Variants in PIK3CB observed in about 807,000 individuals in gnomAD.
PIK3CB encodes the protein phosphatidylinositol 4,5-bisphosphate 3-kinase catalytic subunit beta isoform.
In PIK3CB, 39 loss-of-function variants were observed where a neutral mutation model predicts 136.8. That is an observed-to-expected ratio of 0.29 (90% confidence interval 0.22 to 0.37). PIK3CB has a LOEUF of 0.37. Among genes scored for constraint, PIK3CB ranks in the 10% least tolerant of loss-of-function variants. PIK3CB has a pLI of 1.00. For synonymous variants in PIK3CB, 428 were observed against 436.6 expected (o/e 0.98, Z 0.25); for missense variants, 868 against 1,275.4 (o/e 0.68, Z 4.87).
intron 3 of PIK3CB, among the ~76,000 whole-genome samples, chr3:138,758,500 T>G (rs1432980619): frequency 1.3e-5 from 2 of 152,146 alleles, no homozygotes; most frequent in East Asian, 1.9e-4. Context: ...CATGAGCGTA[T>G]GAGATGCTTA....
intron 2 of PIK3CB, among the ~76,000 whole-genome samples, chr3:138,769,424 T>A (rs1283962300): frequency 6.6e-6 from 1 of 152,208 alleles, no homozygotes; most frequent in East Asian, 1.9e-4. Flanking sequence ...AACTAGACCC[T>A]TAACTAATCA....
chr3:138,781,090 G>A (rs1226183012), intron 2 of PIK3CB, among the ~76,000 whole-genome samples: 5 of 152,020 alleles, frequency 3.3e-5, no homozygotes, highest in African/African-American at 4.8e-5. Flanking sequence ...AGGAGCTCAA[G>A]GCCAACCTAA....
chr3:138,742,660 T>A lies in PIK3CB; in HGVS notation c.519A>T (p.Lys173Asn). The change falls in exon 5 of 24, where the codon AAA becomes AAT. Residue 173 changes from lysine to asparagine, a missense_variant. By Grantham distance (94) the Lys-to-Asn change is moderately conservative. Coordinates refer to ENST00000674063, the MANE Select transcript of PIK3CB (RefSeq NM_006219.3). ...GTTCATGCTCTGGTGGATATGTTTG[T>A]TTTAGCCAGTCCATCCAAGACAATC... is the stretch of plus-strand genomic sequence containing the variant. ...LVGLSWMDWLKQTYPPEHEPS... is the reference protein window; with the variant it reads ...LVGLSWMDWLNQTYPPEHEPS... 1 of 1,610,928 alleles carries A rather than the reference T, an allele frequency of 6.2e-7. No homozygotes were observed. Among genetic ancestry groups the A allele is most frequent in the Non-Finnish European group, 8.5e-7 (1 of 1,177,148 alleles).
intron 11 of PIK3CB, among the ~76,000 whole-genome samples, chr3:138,704,715 C>T (rs974044002): frequency 2.0e-5 from 3 of 152,168 alleles, no homozygotes; most frequent in Admixed American, 2.0e-4. Flanking sequence ...TCCTAGGAAG[C>T]ACTAAAATTG....
In PIK3CB at chr3:138,664,233, A is replaced by G. The variant is rs867451277; in HGVS notation, c.2673-204T>C. ...GGCTGAGAGAGCTGCCTTCAAAGAC[A>G]TTAAATAACTGGGCCTTAGATATTC... On this transcript the variant is annotated intron_variant, in intron 20 of 23. Transcript: ENST00000674063. Among the ~76,000 whole-genome samples, 8 of 152,032 alleles carry G rather than the reference A, an allele frequency of 5.3e-5. No homozygotes were observed. The South Asian group carries it at 1.7e-3, about 32-fold the overall frequency.
intron 1 of PIK3CB, among the ~76,000 whole-genome samples, chr3:138,800,663 C>T (rs2046162750): frequency 6.6e-6 from 1 of 152,104 alleles, no homozygotes; most frequent in African/African-American, 2.4e-5. Context: ...CTCACTCTGT[C>T]ACCCATGCTG....
At chr3:138,827,119 G>A (rs1295356654) in intron 1 of PIK3CB, among the ~76,000 whole-genome samples, 3 of 151,956 alleles carry the variant, frequency 2.0e-5, no homozygotes, top group Non-Finnish European at 4.4e-5. Context: ...TACTAAATAC[G>A]ATTGAATACA....
At chr3:138,811,788 C>T (rs1444690152) in intron 1 of PIK3CB, among the ~76,000 whole-genome samples, 1 of 151,634 alleles carries the variant, frequency 6.6e-6, no homozygotes, top group Non-Finnish European at 1.5e-5. Flanking sequence ...GAGAATTATG[C>T]TGACTGAAAA....
intron 2 of PIK3CB, among the ~76,000 whole-genome samples, chr3:138,760,751 C>A (rs543399129): frequency 1.6e-4 from 25 of 151,886 alleles, no homozygotes; most frequent in Admixed American, 1.6e-3. Flanking sequence ...ACAAAACATA[C>A]AAAAAATTGG....
intron 12 of PIK3CB, among the ~76,000 whole-genome samples, chr3:138,700,169 C>G (rs1391614621): frequency 6.6e-6 from 1 of 152,122 alleles, no homozygotes; most frequent in African/African-American, 2.4e-5. Flanking sequence ...CTGCAGTGAG[C>G]CATGATCGTG....
intron 1 of PIK3CB, chr3:138,825,794 A>G (rs1356370955): frequency 1.1e-6 from 1 of 903,442 alleles, no homozygotes; most frequent in Non-Finnish European, 1.8e-6. Flanking sequence ...GCTCCAGTCA[A>G]TGTTACAACT....
chr3:138,700,712 T>C (rs7622071), intron 12 of PIK3CB, among the ~76,000 whole-genome samples: 2,622 of 143,648 alleles, frequency 0.018, 83 homozygotes, highest in African/African-American at 0.072. Flanking sequence ...GATAGATAGA[T>C]AGATAGATAG....
intron 8 of PIK3CB, among the ~76,000 whole-genome samples, chr3:138,732,577 TTTG>T (rs2045006646): frequency 6.6e-6 from 1 of 152,170 alleles, no homozygotes; most frequent in Non-Finnish European, 1.5e-5. Flanking sequence ...GACAAAATGC[TTTG>T]TTAAGTCTTT....
chr3:138,812,478 G>T (rs530074400), intron 1 of PIK3CB, among the ~76,000 whole-genome samples: 1 of 150,954 alleles, frequency 6.6e-6, no homozygotes, highest in African/African-American at 2.4e-5. Context: ...CTCGTGATCC[G>T]CCCACCTCAG....
At chr3:138,779,341 C>T (rs184910744) in intron 2 of PIK3CB, among the ~76,000 whole-genome samples, 93 of 151,076 alleles carry the variant, frequency 6.2e-4, no homozygotes, top group African/African-American at 2.2e-3. Context: ...CCACCTCAGC[C>T]TCCCAAAATG....
intron 1 of PIK3CB, among the ~76,000 whole-genome samples, chr3:138,823,418 G>GC (rs1491589243): frequency 6.7e-6 from 1 of 148,470 alleles, no homozygotes; most frequent in Non-Finnish European, 1.5e-5. Flanking sequence ...AAAAAAAAAA[G>GC]CAACGGTCGG....
At chr3:138,793,718 G>A (rs975139859) in intron 2 of PIK3CB, among the ~76,000 whole-genome samples, 1 of 151,368 alleles carries the variant, frequency 6.6e-6, no homozygotes, top group African/African-American at 2.4e-5. Flanking sequence ...ATAGTGTCAT[G>A]AGATGAGATT....
intron 19 of PIK3CB, among the ~76,000 whole-genome samples, chr3:138,674,459 A>G (rs1577058152): frequency 6.6e-6 from 1 of 152,208 alleles, no homozygotes. Context: ...GTGACCACAC[A>G]TGACAAAAAA....
intron 13 of PIK3CB, among the ~76,000 whole-genome samples, chr3:138,696,400 G>C (rs2044138956): frequency 6.6e-6 from 1 of 151,556 alleles, no homozygotes; most frequent in Admixed American, 6.6e-5. Flanking sequence ...CTATGTTGCT[G>C]GTCTCAAATT....
Sources: allele counts gnomAD v4.1 joint callset (sites outside exome capture counted in the v4.1 genomes callset), GRCh38; gene constraint gnomAD v4.1.1; transcripts MANE v1.5; gene names NCBI Gene and HGNC (gene_info 2026-07-23, HGNC 2026-07-21).